GLIS3: variants seen among roughly 807,000 people sequenced by gnomAD.
GLIS3 encodes zinc finger protein GLIS3.
Under a neutral mutation model 78.6 loss-of-function variants are expected in GLIS3, and 53 were observed. The ratio of observed to expected loss-of-function variants is 0.67; its 90% CI spans 0.54 to 0.85. GLIS3 has a LOEUF of 0.85. Among genes scored for constraint, GLIS3 ranks in the 40% least tolerant of loss-of-function variants. GLIS3 has a pLI of 0.00. For synonymous variants in GLIS3, 684 were observed against 509.9 expected (o/e 1.34, Z -4.60); for missense variants, 1,703 against 1,231.1 (o/e 1.38, Z -5.74).
At chr9:4,451,373 G>T in the GLIS3 span, among the ~76,000 whole-genome samples, 1 of 152,114 alleles carries the variant, frequency 6.6e-6, no homozygotes, top group Admixed American at 6.6e-5. Context: ...CCTACAAAGA[G>T]ACTTAGACTC....
chr9:4,363,650 C>T, the GLIS3 span, among the ~76,000 whole-genome samples: 235 of 152,306 alleles, frequency 1.5e-3, 2 homozygotes, highest in African/African-American at 5.4e-3. Flanking sequence ...GCATCCAGAA[C>T]TGGATTCTCT....
intron 2 of GLIS3, among the ~76,000 whole-genome samples, chr9:4,179,524 A>G (rs796998850): frequency 5.3e-5 from 8 of 152,276 alleles, no homozygotes; most frequent in African/African-American, 1.9e-4. Context: ...ATTATTTGGA[A>G]ACACTATTTA....
At chr9:4,165,215 C>T (rs530189017) in intron 2 of GLIS3, among the ~76,000 whole-genome samples, 4 of 152,238 alleles carry the variant, frequency 2.6e-5, no homozygotes, top group African/African-American at 7.2e-5. Flanking sequence ...CTGAGATGGG[C>T]AGATCACCTA....
intron 4 of GLIS3, among the ~76,000 whole-genome samples, chr9:3,967,811 C>T (rs1818069920): frequency 6.6e-6 from 1 of 152,178 alleles, no homozygotes; most frequent in African/African-American, 2.4e-5. Flanking sequence ...TATTTGTATG[C>T]TTCCACAACC....
At chr9:4,359,408 A>G in the GLIS3 span, among the ~76,000 whole-genome samples, 1 of 152,208 alleles carries the variant, frequency 6.6e-6, no homozygotes, top group African/African-American at 2.4e-5. Context: ...AGCAAAGAGC[A>G]GGACAGGCTT....
chr9:3,898,682 T>C lies in GLIS3; in HGVS notation c.2128+9A>G, dbSNP rs1216781632. On this transcript the variant is annotated intron_variant, in intron 7 of 10. Transcript: ENST00000381971. ...TAGTTGTGGTTGGCTCTGCCTTTGC[T>C]GTCTTTACCTGAATAGAGGTCAGGC... 6.2e-7 allele frequency: 1 copy of C among 1,614,108 alleles called. No individual in the cohort carries two copies. The highest frequency in any genetic ancestry group is 1.7e-5 in the Admixed American group (1 of 60,024).
intron 2 of GLIS3, among the ~76,000 whole-genome samples, chr9:4,167,880 G>C (rs906386630): frequency 2.6e-5 from 4 of 152,080 alleles, no homozygotes; most frequent in Non-Finnish European, 1.5e-5. Flanking sequence ...TTGTTTCAAG[G>C]TGCCACTTTC....
At chr9:4,410,201 T>C in the GLIS3 span, among the ~76,000 whole-genome samples, 1 of 151,846 alleles carries the variant, frequency 6.6e-6, no homozygotes, top group East Asian at 1.9e-4. Flanking sequence ...GGTCTCAAAC[T>C]GCTGGCCTCA....
At chr9:4,349,735 T>C (rs185568904), upstream of GLIS3, among the ~76,000 whole-genome samples, 1 of 152,198 alleles carries the variant, frequency 6.6e-6, no homozygotes, top group Admixed American at 6.5e-5. Flanking sequence ...AAAAAATACT[T>C]TAAGCAGGGC....
chr9:4,279,160 G>A (rs969071394), intron 2 of GLIS3, among the ~76,000 whole-genome samples: 10 of 151,592 alleles, frequency 6.6e-5, no homozygotes, highest in Non-Finnish European at 1.2e-4. Flanking sequence ...GTTTCCGGGC[G>A]TGGTGGCAGG....
the GLIS3 span, among the ~76,000 whole-genome samples, chr9:4,470,805 A>T: frequency 6.6e-6 from 1 of 152,022 alleles, no homozygotes; most frequent in African/African-American, 2.4e-5. Flanking sequence ...GAAAAGAGGA[A>T]GTCAAATTGT....
At chr9:3,942,536 A>T (rs1193199761) in intron 4 of GLIS3, among the ~76,000 whole-genome samples, 1 of 152,236 alleles carries the variant, frequency 6.6e-6, no homozygotes, top group Non-Finnish European at 1.5e-5. Flanking sequence ...AAAAGCTGTA[A>T]GTGAAAGATT....
intron 2 of GLIS3, among the ~76,000 whole-genome samples, chr9:4,314,854 A>T (rs1207821940): frequency 1.3e-5 from 2 of 152,204 alleles, no homozygotes; most frequent in East Asian, 3.8e-4. Flanking sequence ...AAAGGCATTA[A>T]GCTCAGGGCC....
chr9:4,196,502 CCAT>C (rs1279688866), intron 2 of GLIS3, among the ~76,000 whole-genome samples: 1 of 152,210 alleles, frequency 6.6e-6, no homozygotes, highest in Non-Finnish European at 1.5e-5. Flanking sequence ...GTAACCCTCA[CCAT>C]AAAGTTCTGC....
At chr9:4,297,120 CAA>C (rs111499278) in intron 1 of GLIS3, among the ~76,000 whole-genome samples, 21 of 131,920 alleles carry the variant, frequency 1.6e-4, no homozygotes, top group African/African-American at 2.7e-4. Context: ...ATTTTGTACC[CAA>C]AAAAAAAAAA....
intron 2 of GLIS3, among the ~76,000 whole-genome samples, chr9:4,202,127 G>C (rs1819450318): frequency 6.7e-6 from 1 of 148,686 alleles, no homozygotes; most frequent in South Asian, 2.1e-4. Flanking sequence ...GACAGAGCAA[G>C]ACTCTTTTTT....
chr9:4,364,756 CTTTT>C, the GLIS3 span, among the ~76,000 whole-genome samples: 17 of 61,100 alleles, frequency 2.8e-4, 1 homozygote, highest in South Asian at 9.3e-3. Flanking sequence ...TCATGTATTG[CTTTT>C]TTTTTTTTTT....
At chr9:4,169,911 C>A (rs1204073134) in intron 2 of GLIS3, among the ~76,000 whole-genome samples, 1 of 152,160 alleles carries the variant, frequency 6.6e-6, no homozygotes, top group Admixed American at 6.5e-5. Flanking sequence ...AATTAGCAAT[C>A]AGTAAATATT....
the GLIS3 span, among the ~76,000 whole-genome samples, chr9:4,423,124 C>A: frequency 6.6e-6 from 1 of 152,080 alleles, no homozygotes; most frequent in African/African-American, 2.4e-5. Flanking sequence ...ACCCTCCCTA[C>A]CTCTGGGCAA....
Sources: allele counts gnomAD v4.1 joint callset (sites outside exome capture counted in the v4.1 genomes callset), GRCh38; gene constraint gnomAD v4.1.1; transcripts MANE v1.5; gene names NCBI Gene and HGNC (gene_info 2026-07-23, HGNC 2026-07-21).